The following SYT16 variants were observed in gnomAD, a reference collection of about 807,000 sequenced individuals.
SYT16 encodes synaptotagmin-16.
A neutral mutation model predicts 61.4 loss-of-function variants in SYT16; 42 were observed. The observed-to-expected ratio is 0.68, with a 90% CI of 0.53 to 0.89. The LOEUF is 0.89. SYT16 is among the 40% of genes least tolerant of loss of function. The probability of loss-of-function intolerance (pLI) is 0.00; values close to 1 mark genes in which losing one functional copy is unlikely to be tolerated. For synonymous variants in SYT16, 314 were observed against 302.3 expected (o/e 1.04, Z -0.40); for missense variants, 804 against 807.3 (o/e 1.00, Z 0.05).
At chr14:61,925,192 G>A (rs1388237045) in intron 1 of SYT16, among the ~76,000 whole-genome samples, 1 of 152,158 alleles carries the variant, frequency 6.6e-6, no homozygotes, top group Non-Finnish European at 1.5e-5. Context: ...GATTCTGACG[G>A]TAAGATGCTC....
At chr14:61,989,601 A>C (rs1332406846) in intron 2 of SYT16, among the ~76,000 whole-genome samples, 1 of 152,138 alleles carries the variant, frequency 6.6e-6, no homozygotes, top group African/African-American at 2.4e-5. Context: ...AAAATTGTCT[A>C]ATTTGATTTC....
chr14:61,834,428 CTTTTT>C (rs35260303), intron 1 of SYT16, among the ~76,000 whole-genome samples: 1 of 76,874 alleles, frequency 1.3e-5, no homozygotes, highest in Admixed American at 1.6e-4. Context: ...CCGTGCCTGG[CTTTTT>C]TTTTTTTTTT....
intron 1 of SYT16, among the ~76,000 whole-genome samples, chr14:61,833,016 G>A (rs2045990910): frequency 6.6e-6 from 1 of 152,066 alleles, no homozygotes; most frequent in Non-Finnish European, 1.5e-5. Context: ...GTTTCCTCCT[G>A]TGTTCTGTGA....
chr14:61,894,152 G>C lies in SYT16; in HGVS notation c.-324-75980G>C, dbSNP rs1464510774. Among the ~76,000 whole-genome samples, 3 of 152,208 alleles carry C rather than the reference G, an allele frequency of 2.0e-5. No homozygotes were observed. In the South Asian group the frequency reaches 6.2e-4, roughly 32 times the overall value. On this transcript the variant is annotated intron_variant, in intron 1 of 7. Coordinates refer to ENST00000683842, the MANE Select transcript of SYT16 (RefSeq NM_001367656.1). ...TACAAAAAATTAGCCGGGCATTGTG[G>C]CAGGTGCCTGTAATCCCAGCTACTC...
intron 1 of SYT16, among the ~76,000 whole-genome samples, chr14:61,948,251 A>C (rs1260689236): frequency 6.6e-6 from 1 of 152,082 alleles, no homozygotes; most frequent in African/African-American, 2.4e-5. Flanking sequence ...GTGTAAAATA[A>C]TCATTTTTCA....
intron 3 of SYT16, among the ~76,000 whole-genome samples, chr14:62,033,749 A>G (rs146253255): frequency 2.1e-3 from 319 of 152,286 alleles, no homozygotes; most frequent in African/African-American, 7.4e-3. Flanking sequence ...AAAACAATAA[A>G]ACTTTTAGAA....
chr14:62,075,625 A>T (rs1395895995), intron 5 of SYT16, among the ~76,000 whole-genome samples: 4 of 150,994 alleles, frequency 2.6e-5, no homozygotes, highest in Admixed American at 6.6e-5. Context: ...AAAAAGAAAA[A>T]AAGAAAAAAA....
chr14:61,864,867 C>A (rs2047088377), intron 1 of SYT16: 2 of 1,168,932 alleles, frequency 1.7e-6, no homozygotes, highest in East Asian at 2.3e-5. Flanking sequence ...TCCCAGCCAC[C>A]CCCGGCGGAG....
At chr14:61,882,265 T>C (rs1168854485) in intron 1 of SYT16, among the ~76,000 whole-genome samples, 1 of 152,180 alleles carries the variant, frequency 6.6e-6, no homozygotes, top group Non-Finnish European at 1.5e-5. Context: ...AAAAATTACA[T>C]GATAAGTAAT....
At chr14:61,830,030 TAAAAA>T (rs111928187) in intron 1 of SYT16, among the ~76,000 whole-genome samples, 2 of 150,728 alleles carry the variant, frequency 1.3e-5, no homozygotes. Context: ...GCTAGTGAGT[TAAAAA>T]AAAAATTAAG....
chr14:62,075,466 TCTA>T, intron 5 of SYT16, 75 bp downstream of exon 5: 1 of 1,267,478 alleles, frequency 7.9e-7, no homozygotes, highest in Non-Finnish European at 1.0e-6. Flanking sequence ...TTCTCATCTC[TCTA>T]AAAAAAAAAA....
chr14:61,886,280 T>C (rs1012379133), intron 1 of SYT16, among the ~76,000 whole-genome samples: 7 of 152,124 alleles, frequency 4.6e-5, no homozygotes, highest in Admixed American at 3.9e-4. Context: ...GGCAATTTTT[T>C]AAAATAAGAC....
chr14:61,865,319 G>T, intron 1 of SYT16: 2 of 719,064 alleles, frequency 2.8e-6, no homozygotes, highest in Non-Finnish European at 5.0e-6. Context: ...GATGCGGAGA[G>T]CCTGAAGCTC....
chr14:62,045,915 G>A (rs534015456), intron 3 of SYT16, among the ~76,000 whole-genome samples: 7 of 152,242 alleles, frequency 4.6e-5, no homozygotes, highest in South Asian at 4.2e-4. Flanking sequence ...ATAAACATAC[G>A]TGTGCCTGTG....
At chr14:61,904,463 G>A (rs1248990004) in intron 1 of SYT16, among the ~76,000 whole-genome samples, 1 of 152,186 alleles carries the variant, frequency 6.6e-6, no homozygotes, top group African/African-American at 2.4e-5. Flanking sequence ...ATGTTATGAG[G>A]TTGTGTTTCT....
intron 3 of SYT16, among the ~76,000 whole-genome samples, chr14:62,027,522 T>A (rs2054148137): frequency 6.6e-6 from 1 of 152,218 alleles, no homozygotes; most frequent in African/African-American, 2.4e-5. Context: ...TGTTTAAAAA[T>A]GTTTACTATC....
chr14:61,922,708 G>A (rs2049379206), intron 1 of SYT16, among the ~76,000 whole-genome samples: 1 of 152,136 alleles, frequency 6.6e-6, no homozygotes, highest in South Asian at 2.1e-4. Context: ...AAAAAAAATG[G>A]TTTATAAATT....
At position 61,975,680 on chromosome 14, in the gene SYT16, A is replaced by G. The variant is rs114872538; in HGVS notation, c.-145+5369A>G. 4.7e-3 allele frequency among the ~76,000 whole-genome samples: 715 copies of G among 152,288 alleles called. 3 individuals carry two copies. Among genetic ancestry groups the G allele is most frequent in the African/African-American group, 0.016 (678 of 41,578 alleles). ...ACCTCCACCTAGTTTCTCCCTTGAC[A>G]TGTGGGGATTATGGGGATCCTATTT... On this transcript the variant is annotated intron_variant, in intron 2 of 7. Transcript: ENST00000683842.
chr14:62,024,951 T>G (rs2054044825), intron 3 of SYT16, among the ~76,000 whole-genome samples: 1 of 152,112 alleles, frequency 6.6e-6, no homozygotes, highest in Non-Finnish European at 1.5e-5. Context: ...TCCATATCTT[T>G]TCATGGCTTG....
Sources: allele counts gnomAD v4.1 joint callset (sites outside exome capture counted in the v4.1 genomes callset), GRCh38; gene constraint gnomAD v4.1.1; transcripts MANE v1.5; gene names NCBI Gene and HGNC (gene_info 2026-07-23, HGNC 2026-07-21).